The following FYB1 variants were observed in gnomAD, a reference collection of about 807,000 sequenced individuals.
FYB1 encodes the protein FYN binding protein 1.
In FYB1, 41 loss-of-function variants were observed where a neutral mutation model predicts 94.1. The observed-to-expected ratio is 0.44, with a 90% CI of 0.34 to 0.57. The LOEUF is 0.57. FYB1 is among the 20% of genes least tolerant of loss of function. The pLI is 0.02. For missense variants in FYB1, 1,050 were observed against 976.8 expected, an observed-to-expected ratio of 1.07 and a Z score of -1.00; for synonymous variants, 367 against 353.2, an observed-to-expected ratio of 1.04 and a Z score of -0.44.
intron 16 of FYB1, among the ~76,000 whole-genome samples, chr5:39,112,334 A>T (rs1739145228): frequency 6.6e-6 from 1 of 152,030 alleles, no homozygotes; most frequent in African/African-American, 2.4e-5. Context: ...ATGTTCCCAT[A>T]ATATACTCAT....
At chr5:39,251,130 G>A (rs1194580197) in intron 1 of FYB1, among the ~76,000 whole-genome samples, 2 of 152,078 alleles carry the variant, frequency 1.3e-5, no homozygotes, top group African/African-American at 2.4e-5. Flanking sequence ...GTGATTTGTT[G>A]TTTAAAGTTT....
chr5:39,227,193 A>G (rs1750511943), intron 1 of FYB1, among the ~76,000 whole-genome samples: 1 of 152,248 alleles, frequency 6.6e-6, no homozygotes, highest in African/African-American at 2.4e-5. Flanking sequence ...ACTTGTCCAG[A>G]TTAAAATATA....
chr5:39,247,939 C>G (rs1317496787), intron 1 of FYB1, among the ~76,000 whole-genome samples: 1 of 124,372 alleles, frequency 8.0e-6, no homozygotes, highest in Non-Finnish European at 1.9e-5. Context: ...GCTTTCTCTT[C>G]TTTGAGGTCT....
At chr5:39,134,711 C>T (rs1311833629) in intron 8 of FYB1, 144 bp downstream of exon 8, 49 of 762,794 alleles carry the variant, frequency 6.4e-5, no homozygotes. Flanking sequence ...CGGAACTATA[C>T]CTGCCATTTA....
chr5:39,210,652 G>T (rs891471981), intron 1 of FYB1, among the ~76,000 whole-genome samples: 1 of 152,152 alleles, frequency 6.6e-6, no homozygotes, highest in African/African-American at 2.4e-5. Flanking sequence ...AATAGCTCCT[G>T]TACAAATAGT....
intron 1 of FYB1, among the ~76,000 whole-genome samples, chr5:39,232,517 C>CATTT (rs140093635): frequency 2.7e-5 from 4 of 150,222 alleles, no homozygotes; most frequent in Non-Finnish European, 5.9e-5. Flanking sequence ...TTAGCATAAA[C>CATTT]ATTTATTTTA....
chr5:39,216,511 T>C (rs1168081396), intron 1 of FYB1, among the ~76,000 whole-genome samples: 3 of 152,114 alleles, frequency 2.0e-5, no homozygotes, highest in African/African-American at 7.2e-5. Flanking sequence ...ACCCATCACC[T>C]AGGTATCAGG....
chr5:39,161,507 G>A (rs1430559317), intron 2 of FYB1, among the ~76,000 whole-genome samples: 1 of 151,298 alleles, frequency 6.6e-6, no homozygotes, highest in Non-Finnish European at 1.5e-5. Context: ...ATGGAACCAT[G>A]GTATATACAT....
intron 2 of FYB1, among the ~76,000 whole-genome samples, chr5:39,158,020 C>T (rs867762125): frequency 6.6e-6 from 1 of 151,834 alleles, no homozygotes; most frequent in South Asian, 2.1e-4. Context: ...CAAGTGGGAG[C>T]TTGAGTGACT....
In FYB1 at chr5:39,105,428, G is replaced by A. The variant is rs780574849; in HGVS notation, c.*2015C>T. 5.9e-5 allele frequency: 9 copies of A among 152,100 alleles called. No individual in the cohort carries two copies. Among genetic ancestry groups the A allele is most frequent in the Non-Finnish European group, 1.2e-4 (8 of 68,024 alleles). 9.4% of individuals were successfully genotyped at this position (152,100 alleles called of 1,614,324 possible). On this transcript the variant is annotated 3_prime_UTR_variant, in exon 19 of 19. Coordinates refer to ENST00000512982, the MANE Select transcript of FYB1 (RefSeq NM_001465.6). ...TAGGTATGTGTGTCTGTTTCTTGAT[G>A]TGTAAACCAAAACTCTGAAATATTC...
intron 1 of FYB1, among the ~76,000 whole-genome samples, chr5:39,256,973 C>T (rs1348347913): frequency 1.3e-5 from 2 of 152,152 alleles, no homozygotes; most frequent in African/African-American, 4.8e-5. Flanking sequence ...TAAGTTCAGC[C>T]TCCCAAACAT....
intron 2 of FYB1, among the ~76,000 whole-genome samples, chr5:39,184,972 T>A (rs1249736086): frequency 2.0e-5 from 3 of 152,168 alleles, no homozygotes; most frequent in Non-Finnish European, 4.4e-5. Context: ...TTCATTCTTT[T>A]CCCTAGATAC....
chr5:39,257,052 A>C (rs1259407855), intron 1 of FYB1, among the ~76,000 whole-genome samples: 1 of 152,190 alleles, frequency 6.6e-6, no homozygotes, highest in African/African-American at 2.4e-5. Flanking sequence ...TCTGTTATAG[A>C]TCAGATTCAG....
At chr5:39,212,858 G>T (rs1470069332) in intron 1 of FYB1, 1 of 151,944 alleles carries the variant, frequency 6.6e-6, no homozygotes, top group African/African-American at 2.4e-5. Context: ...GCTCTCACTT[G>T]TCCATTCATT....
intron 1 of FYB1, among the ~76,000 whole-genome samples, chr5:39,218,164 A>G (rs1310350532): frequency 1.3e-5 from 2 of 152,202 alleles, no homozygotes; most frequent in Admixed American, 6.5e-5. Context: ...TTCTCAAGGG[A>G]AATGGAAACC....
chr5:39,265,588 C>T (rs1297521568), intron 1 of FYB1, among the ~76,000 whole-genome samples: 2 of 151,984 alleles, frequency 1.3e-5, no homozygotes, highest in Admixed American at 6.6e-5. Flanking sequence ...ACCTGGGAGG[C>T]GGAGGCTGCA....
chr5:39,121,806 CT>C (rs1740137239), intron 14 of FYB1, among the ~76,000 whole-genome samples: 14 of 152,080 alleles, frequency 9.2e-5, no homozygotes, highest in Admixed American at 8.5e-4. Context: ...CCTAAAAGTC[CT>C]TTTAAAAAAT....
chr5:39,122,244 A>G, intron 14 of FYB1, 92 bp downstream of exon 14: 1 of 791,018 alleles, frequency 1.3e-6, no homozygotes, highest in Non-Finnish European at 2.2e-6. Flanking sequence ...CGCACACAGT[A>G]GACACACATC....
intron 3 of FYB1, among the ~76,000 whole-genome samples, chr5:39,148,925 T>A (rs1041622204): frequency 6.6e-6 from 1 of 152,152 alleles, no homozygotes; most frequent in Non-Finnish European, 1.5e-5. Context: ...TGTTTCAATA[T>A]GAAAAATTAT....
Sources: gnomAD v4.1 joint callset for allele counts (sites outside exome capture counted in the v4.1 genomes callset) on GRCh38, gnomAD v4.1.1 for gene constraint, MANE v1.5 for transcripts, NCBI Gene and HGNC (gene_info 2026-07-23, HGNC 2026-07-21) for gene names.